HDAC9: variants seen among roughly 807,000 people sequenced by gnomAD.
The protein encoded by HDAC9 is MEF-2 interacting transcription repressor (MITR) protein.
Under a neutral mutation model 139.4 loss-of-function variants are expected in HDAC9, and 41 were observed. The ratio of observed to expected loss-of-function variants is 0.29; its 90% CI spans 0.23 to 0.38. The LOEUF (loss-of-function observed/expected upper bound fraction) is 0.38. HDAC9 is among the 10% of genes least tolerant of loss of function. HDAC9 has a pLI of 1.00. For synonymous variants in HDAC9, 517 were observed against 476.2 expected, an observed-to-expected ratio of 1.09 and a Z score of -1.12; for missense variants, 1,147 against 1,297.0, an observed-to-expected ratio of 0.88 and a Z score of 1.78.
chr7:18,423,774 G>A (rs1224159953), intron 1 of HDAC9, among the ~76,000 whole-genome samples: 2 of 152,238 alleles, frequency 1.3e-5, no homozygotes, highest in African/African-American at 4.8e-5. Context: ...TTATAGGCTA[G>A]ATCTGTTTAA....
At chr7:18,776,261 T>C (rs1226605437) in intron 16 of HDAC9, among the ~76,000 whole-genome samples, 2 of 151,934 alleles carry the variant, frequency 1.3e-5, no homozygotes, top group African/African-American at 4.8e-5. Flanking sequence ...TTCCAAGAGC[T>C]AGGAAGCGCA....
chr7:18,938,295 T>C (rs549351861), intron 23 of HDAC9, among the ~76,000 whole-genome samples: 3 of 146,434 alleles, frequency 2.0e-5, no homozygotes, highest in East Asian at 4.2e-4. Context: ...TAAATATTCC[T>C]ATATGAAAGT....
chr7:18,747,744 T>C (rs1047782685), intron 13 of HDAC9, among the ~76,000 whole-genome samples: 21 of 152,220 alleles, frequency 1.4e-4, no homozygotes, highest in Non-Finnish European at 2.8e-4. Context: ...TTATTTGGAA[T>C]GGTAAAATTA....
chr7:18,632,484 T>C (rs1050537291), intron 7 of HDAC9, among the ~76,000 whole-genome samples: 8 of 152,042 alleles, frequency 5.3e-5, no homozygotes, highest in African/African-American at 1.9e-4. Flanking sequence ...GGACATACGT[T>C]ATATGAGCCA....
At chr7:18,275,760 C>A (rs1419717146) in intron 2 of HDAC9, among the ~76,000 whole-genome samples, 1 of 152,186 alleles carries the variant, frequency 6.6e-6, no homozygotes, top group Non-Finnish European at 1.5e-5. Flanking sequence ...AGTCACCATA[C>A]CACTGAGCCC....
rs1394443989 is a variant in HDAC9 at position 18,996,068 on chromosome 7, C to A, written c.*6C>A. The A allele has an allele frequency of 6.2e-7, 1 of 1,600,752 alleles. No homozygotes were observed. The highest frequency in any genetic ancestry group is 2.2e-5 in the East Asian group (1 of 44,586). On this transcript the variant is annotated 3_prime_UTR_variant, in exon 26 of 26. Coordinates refer to ENST00000686413, the MANE Select transcript of HDAC9 (RefSeq NM_178425.4). ...AAGAGGAGCCAGCCTTGTGAAGTGC[C>A]AAGTCCCCCTCTGATATTTCCTGTG...
chr7:18,221,535 T>C (rs1482783520), intron 2 of HDAC9, among the ~76,000 whole-genome samples: 3 of 152,166 alleles, frequency 2.0e-5, no homozygotes, highest in African/African-American at 7.2e-5. Flanking sequence ...AGTATCCTTA[T>C]AAAGCAGATG....
chr7:18,880,845 G>T (rs901007688), intron 22 of HDAC9, among the ~76,000 whole-genome samples: 1,175 of 6,584 alleles, frequency 0.18, 23 homozygotes, highest in African/African-American at 0.26. Context: ...ATAGTTGCCG[G>T]GGGGGGGGGA....
In HDAC9 at chr7:18,445,505, G is replaced by A. The variant is rs149091228; in HGVS notation, c.-41-50757G>A. ...ATGCTGAAATATGTAGGGGCTGAGC[G>A]GCCTCTGTGATTGTTTCAGATTGCA... On this transcript the variant is annotated intron_variant, in intron 1 of 3. Coordinates refer to the HDAC9 transcript ENST00000413509. Among the ~76,000 whole-genome samples the A allele has an allele frequency of 1.1e-3, 170 of 152,228 alleles. 1 individual carries two copies. Among genetic ancestry groups the A allele is most frequent in the Non-Finnish European group, 1.9e-3 (132 of 68,014 alleles).
chr7:18,157,214 A>G (rs1787278343), intron 1 of HDAC9, among the ~76,000 whole-genome samples: 1 of 152,236 alleles, frequency 6.6e-6, no homozygotes, highest in Non-Finnish European at 1.5e-5. Context: ...GTCAGCTGAT[A>G]TGTTTTAGTA....
chr7:18,679,961 G>A (rs1781783443), intron 12 of HDAC9, among the ~76,000 whole-genome samples: 1 of 151,848 alleles, frequency 6.6e-6, no homozygotes, highest in Admixed American at 6.6e-5. Context: ...CAGTTTTCTT[G>A]CATTTAGTTT....
At chr7:18,458,732 T>A in intron 1 of HDAC9, 3 of 692,218 alleles carry the variant, frequency 4.3e-6, no homozygotes, top group Middle Eastern at 4.8e-4. Flanking sequence ...GCTGTAGACC[T>A]CTACTCAGAG....
intron 12 of HDAC9, among the ~76,000 whole-genome samples, chr7:18,716,093 A>G (rs1243413106): frequency 6.6e-6 from 1 of 152,230 alleles, no homozygotes; most frequent in African/African-American, 2.4e-5. Flanking sequence ...CAAGAGATCC[A>G]TCTTATTCAA....
intron 16 of HDAC9, among the ~76,000 whole-genome samples, chr7:18,791,810 C>G (rs552938626): frequency 2.0e-5 from 3 of 152,284 alleles, no homozygotes; most frequent in Admixed American, 2.0e-4. Context: ...ACAGGTATAA[C>G]AGTAGCTGAA....
intron 2 of HDAC9, among the ~76,000 whole-genome samples, chr7:18,524,426 T>C (rs967145315): frequency 3.9e-5 from 6 of 152,132 alleles, no homozygotes; most frequent in African/African-American, 1.4e-4. Context: ...TGATGAGGCC[T>C]GCAGTCAGCT....
rs146066951 is a variant in HDAC9, at chr7:18,789,286, G to GCGCGCACACACACACACACA, written c.2215-4058_2215-4057insGCGCACACACACACACACAC. The stretch of plus-strand genomic sequence containing the variant: ...TTAATGCACACGCAGACACATACAC[G>GCGCGCACACACACACACACA]CACACACACACACACACACACACAG... On this transcript the variant is annotated intron_variant, in intron 16 of 25. Transcript: ENST00000686413. 3.0e-3 allele frequency among the ~76,000 whole-genome samples: 439 copies of GCGCGCACACACACACACACA among 148,492 alleles called. 1 individual carries two copies. Among genetic ancestry groups the GCGCGCACACACACACACACA allele is most frequent in the South Asian group, 6.9e-3 (32 of 4,624 alleles).
chr7:18,481,732 T>C (rs911219302), intron 1 of HDAC9, among the ~76,000 whole-genome samples: 1 of 152,230 alleles, frequency 6.6e-6, no homozygotes, highest in African/African-American at 2.4e-5. Context: ...TGACAAATGA[T>C]GAGTTGTGAT....
chr7:18,652,564 C>T (rs561455370), intron 11 of HDAC9, among the ~76,000 whole-genome samples: 13 of 151,872 alleles, frequency 8.6e-5, no homozygotes, highest in Non-Finnish European at 1.9e-4. Context: ...TCTCTTTAGG[C>T]ATTTTTGTTG....
intron 1 of HDAC9, among the ~76,000 whole-genome samples, chr7:18,298,305 CT>C (rs1798282224): frequency 2.0e-5 from 3 of 147,020 alleles, no homozygotes. Flanking sequence ...TTTTATTATA[CT>C]TTAAGTTTTA....
Sources: allele counts gnomAD v4.1 joint callset (sites outside exome capture counted in the v4.1 genomes callset), GRCh38; gene constraint gnomAD v4.1.1; transcripts MANE v1.5; gene names NCBI Gene and HGNC (gene_info 2026-07-23, HGNC 2026-07-21).